The following POMK variants were observed in gnomAD, a reference collection of about 807,000 sequenced individuals.
The protein encoded by POMK is protein O-mannose kinase.
In POMK, 19 loss-of-function variants were observed where a neutral mutation model predicts 23.0. The observed-to-expected ratio is 0.83, with a 90% CI of 0.58 to 1.21. The LOEUF (loss-of-function observed/expected upper bound fraction) is 1.21, where lower values mean the gene tolerates loss of function less well. Among genes scored for constraint, POMK ranks in the 50% most tolerant of loss-of-function variants. The probability of loss-of-function intolerance (pLI) is 0.00; values close to 1 mark genes in which losing one functional copy is unlikely to be tolerated. For missense variants in POMK, 410 were observed against 431.3 expected (o/e 0.95, Z 0.44); for synonymous variants, 173 against 171.6 (o/e 1.01, Z -0.06).
Position 43,110,227 on chromosome 8 carries a change from T to A in POMK, c.282+6397T>A, listed in dbSNP as rs190638512. 5.8e-4 allele frequency among the ~76,000 whole-genome samples: 89 copies of A among 152,160 alleles called. No individual in the cohort carries two copies. The East Asian group carries it at 0.014, about 23-fold the overall frequency. ...CAGTAGTCTCAAGTGCATATTACACTGTTAACTCAATGACTTTTACTTTTG... is the reference window on the plus strand; with the variant it reads ...CAGTAGTCTCAAGTGCATATTACACAGTTAACTCAATGACTTTTACTTTTG... On this transcript the variant is annotated intron_variant, in intron 4 of 4. Transcript: ENST00000331373.
At chr8:43,113,571 C>T (rs568439282) in intron 4 of POMK, among the ~76,000 whole-genome samples, 47 of 152,336 alleles carry the variant, frequency 3.1e-4, no homozygotes, top group African/African-American at 7.5e-4. Context: ...TCCTGTAGCT[C>T]GGCGTAGTTT....
chr8:43,122,008 C>T, intron 4 of POMK, 99 bp from the exon 5 acceptor site: 1 of 1,187,038 alleles, frequency 8.4e-7, no homozygotes. Context: ...ATTTCTGTAT[C>T]TTCTGCAGAA....
chr8:43,095,151 T>C (rs993829970), intron 1 of POMK, among the ~76,000 whole-genome samples: 1 of 152,134 alleles, frequency 6.6e-6, no homozygotes, highest in African/African-American at 2.4e-5. Flanking sequence ...TCCCGAGCAT[T>C]GCGGTATTTA....
chr8:43,114,623 T>G (rs1811755791), intron 4 of POMK, among the ~76,000 whole-genome samples: 1 of 152,250 alleles, frequency 6.6e-6, no homozygotes, highest in Non-Finnish European at 1.5e-5. Context: ...CCCACTGTCC[T>G]GCACCCACTG....
At chr8:43,106,803 G>A (rs1286286830) in intron 4 of POMK, among the ~76,000 whole-genome samples, 1 of 152,116 alleles carries the variant, frequency 6.6e-6, no homozygotes, top group Non-Finnish European at 1.5e-5. Context: ...CCAGCCCTCA[G>A]TTATAATTTT....
chr8:43,112,784 T>A (rs1811703839), intron 4 of POMK, among the ~76,000 whole-genome samples: 1 of 152,222 alleles, frequency 6.6e-6, no homozygotes, highest in Non-Finnish European at 1.5e-5. Context: ...AAAAGAATTT[T>A]CAACCCAGAA....
Position 43,122,623 on chromosome 8 carries a change from C to T in POMK, c.799C>T (p.Pro267Ser). 6.2e-7 allele frequency: 1 copy of T among 1,614,170 alleles called. No individual in the cohort carries two copies. Among genetic ancestry groups the T allele is most frequent in the South Asian group, 1.1e-5 (1 of 91,072 alleles). ...EQLWPYGEDV[P>S]FHDDLMPSYD... ...ACTGTGGCCCTATGGAGAGGACGTGCCTTTCCACGATGATCTCATGCCCTC... is the reference window on the plus strand; with the variant it reads ...ACTGTGGCCCTATGGAGAGGACGTGTCTTTCCACGATGATCTCATGCCCTC... The change falls in exon 5 of 5, where the codon CCT becomes TCT. Residue 267 changes from proline (P) to serine (S), a missense_variant. By Grantham distance (74) the Pro-to-Ser change is moderately conservative. Coordinates refer to ENST00000331373, the MANE Select transcript of POMK (RefSeq NM_032237.5).
intron 4 of POMK, among the ~76,000 whole-genome samples, chr8:43,112,233 G>C (rs568156572): frequency 1.3e-5 from 2 of 152,342 alleles, no homozygotes; most frequent in Non-Finnish European, 2.9e-5. Flanking sequence ...GGACCTGAAG[G>C]AGCTGAAAAC....
Position 43,103,700 on chromosome 8 carries a change from A to G in POMK, c.152A>G (p.Asp51Gly), listed in dbSNP as rs781412137. 1 of 1,613,994 alleles carries G rather than the reference A, an allele frequency of 6.2e-7. No individual in the cohort carries two copies. The highest frequency in any genetic ancestry group is 8.5e-7 in the Non-Finnish European group (1 of 1,180,020). ...ATCGCTCCTCGACAATCCACTGTGG[A>G]CCCCACACACTGTCCCTATGGTCAC... The part of the protein sequence containing the change: ...FFIAPRQSTV[D>G]PTHCPYGHFR... The change falls in exon 4 of 5, where the codon GAC (aspartate) becomes GGC (glycine). Residue 51 changes from aspartate to glycine, a missense_variant. Coordinates refer to ENST00000331373, the MANE Select transcript of POMK (RefSeq NM_032237.5).
intron 4 of POMK, among the ~76,000 whole-genome samples, chr8:43,107,424 G>C (rs1236519038): frequency 2.0e-5 from 3 of 152,168 alleles, no homozygotes; most frequent in Non-Finnish European, 4.4e-5. Flanking sequence ...GCCCAGGCTG[G>C]AGTGCAGTGG....
At chr8:43,122,048 C>T (rs1811927184) in intron 4 of POMK, 59 bp from the exon 5 acceptor site, 3 of 1,512,578 alleles carry the variant, frequency 2.0e-6, no homozygotes, top group South Asian at 2.4e-5. Flanking sequence ...ATTTGTTGTT[C>T]TTTGGTCACT....
At chr8:43,103,974 A>G in intron 4 of POMK, 144 bp downstream of exon 4, 1 of 845,886 alleles carries the variant, frequency 1.2e-6, no homozygotes. Flanking sequence ...TGTGCACCAC[A>G]TTTGCTTTGG....
At chr8:43,118,354 T>G (rs946314029) in intron 4 of POMK, among the ~76,000 whole-genome samples, 3 of 152,108 alleles carry the variant, frequency 2.0e-5, no homozygotes, top group South Asian at 2.1e-4. Context: ...CCAAATGCTG[T>G]TTTACAAGTG....
chr8:43,098,310 A>C (rs1811374423), intron 2 of POMK, among the ~76,000 whole-genome samples: 1 of 152,086 alleles, frequency 6.6e-6, no homozygotes, highest in Non-Finnish European at 1.5e-5. Flanking sequence ...GGGAGCCACA[A>C]ATCTATGTTC....
intron 4 of POMK, 146 bp from the exon 5 acceptor site, chr8:43,121,961 C>G: frequency 1.3e-6 from 1 of 777,472 alleles, no homozygotes; most frequent in Non-Finnish European, 2.1e-6. Context: ...CATAACTAGA[C>G]GGAGAGCAAC....
intron 4 of POMK, among the ~76,000 whole-genome samples, chr8:43,119,590 G>A (rs1259538205): frequency 2.0e-5 from 3 of 151,776 alleles, no homozygotes; most frequent in African/African-American, 7.3e-5. Flanking sequence ...GCGCCACCAC[G>A]CCCAGCTAAT....
At chr8:43,094,497 T>C (rs1258883908) in intron 1 of POMK, among the ~76,000 whole-genome samples, 2 of 152,352 alleles carry the variant, frequency 1.3e-5, no homozygotes, top group Admixed American at 1.3e-4. Flanking sequence ...TGTAATCATA[T>C]TCTCTTTTTT....
In POMK at chr8:43,122,636, A is replaced by G. The variant is rs1434063467; in HGVS notation, c.812A>G (p.Asp271Gly). 1.9e-6 allele frequency: 3 copies of G among 1,614,020 alleles called. No individual in the cohort carries two copies. In the African/African-American group the frequency reaches 4.0e-5, roughly 22 times the overall value. Residue 271 changes from aspartate to glycine, a missense_variant, in exon 5 of 5, where the codon GAT becomes GGT. Transcript: ENST00000331373. ...GGAGAGGACGTGCCTTTCCACGATG[A>G]TCTCATGCCCTCATATGATGAGAAG... ...PYGEDVPFHD[D>G]LMPSYDEKID... is the part of the protein sequence containing the mutation.
chr8:43,109,207 G>A (rs796996345), intron 4 of POMK, among the ~76,000 whole-genome samples: 4 of 152,096 alleles, frequency 2.6e-5, no homozygotes, highest in African/African-American at 9.7e-5. Flanking sequence ...TTAGGTTTCC[G>A]TAAGTCATTC....
Sources: allele counts gnomAD v4.1 joint callset (sites outside exome capture counted in the v4.1 genomes callset), GRCh38; gene constraint gnomAD v4.1.1; transcripts MANE v1.5; gene names NCBI Gene and HGNC (gene_info 2026-07-23, HGNC 2026-07-21).